DDX4: variants seen among roughly 807,000 people sequenced by gnomAD.
DDX4 encodes the protein DEAD-box helicase 4, also known as probable ATP-dependent RNA helicase DDX4.
Under a neutral mutation model 100.0 loss-of-function variants are expected in DDX4, and 25 were observed. The ratio of observed to expected loss-of-function variants is 0.25; its 90% CI spans 0.18 to 0.35. The LOEUF is 0.35. Among genes scored for constraint, DDX4 ranks in the 10% least tolerant of loss-of-function variants. The probability of loss-of-function intolerance (pLI) is 1.00; values close to 1 mark genes in which losing one functional copy is unlikely to be tolerated. For missense variants in DDX4, 635 were observed against 882.4 expected, an observed-to-expected ratio of 0.72 and a Z score of 3.55; for synonymous variants, 259 against 275.7, an observed-to-expected ratio of 0.94 and a Z score of 0.60.
At chr5:55,754,853 C>T (rs531326383) in intron 3 of DDX4, among the ~76,000 whole-genome samples, 1 of 152,094 alleles carries the variant, frequency 6.6e-6, no homozygotes, top group African/African-American at 2.4e-5. Context: ...ATTTCAGATA[C>T]TGTTATTGGT....
chr5:55,802,235 A>G (rs536827644), intron 18 of DDX4, among the ~76,000 whole-genome samples: 2 of 152,320 alleles, frequency 1.3e-5, no homozygotes, highest in African/African-American at 4.8e-5. Flanking sequence ...AAGGAGACTT[A>G]GTTAAGAAAT....
At chr5:55,772,364 T>TG (rs1344938144) in intron 7 of DDX4, among the ~76,000 whole-genome samples, 2 of 152,216 alleles carry the variant, frequency 1.3e-5, no homozygotes, top group Non-Finnish European at 2.9e-5. Flanking sequence ...GGGCTGCCTT[T>TG]GTCCTAAATT....
chr5:55,816,216 C>G (rs760577976), intron 21 of DDX4, among the ~76,000 whole-genome samples: 1 of 152,140 alleles, frequency 6.6e-6, no homozygotes, highest in Non-Finnish European at 1.5e-5. Context: ...GTTTTCCCCA[C>G]TTGTCAAAAC....
At chr5:55,757,024 T>G (rs1759981543) in intron 3 of DDX4, among the ~76,000 whole-genome samples, 1 of 152,056 alleles carries the variant, frequency 6.6e-6, no homozygotes, top group Non-Finnish European at 1.5e-5. Flanking sequence ...AGGAAATAAT[T>G]GTATATTTTC....
In DDX4 at chr5:55,800,324, G is replaced by GTTT. The variant is rs776992728; in HGVS notation, c.1615+1768_1615+1770dup. Among the ~76,000 whole-genome samples, 130 of 137,422 alleles carry GTTT rather than the reference G, an allele frequency of 9.5e-4. 1 individual carries two copies. The highest frequency in any genetic ancestry group is 3.1e-3 in the African/African-American group (114 of 36,980). The allele number at this position is 137,422 out of a possible 152,430, so 90.2% of individuals were successfully genotyped here. ...CATATTTCTAATATAGTCACCTTAA[G>GTTT]TTTTTTTTTTTTTTTTTGAGATGGA... is the stretch of plus-strand genomic sequence containing the variant. On this transcript the variant is annotated intron_variant, in intron 18 of 21. Transcript: ENST00000505374.
At chr5:55,789,597 C>T (rs1213945659) in intron 15 of DDX4, among the ~76,000 whole-genome samples, 3 of 152,208 alleles carry the variant, frequency 2.0e-5, no homozygotes, top group Non-Finnish European at 4.4e-5. Flanking sequence ...TTGTAAGAAG[C>T]AAGTCACTAA....
At chr5:55,812,209 T>C (rs1017722038) in intron 18 of DDX4, among the ~76,000 whole-genome samples, 1 of 152,228 alleles carries the variant, frequency 6.6e-6, no homozygotes, top group African/African-American at 2.4e-5. Context: ...CTTTTATTCA[T>C]CTTTATAAAC....
chr5:55,816,511 A>G lies in DDX4; in HGVS notation c.2146A>G (p.Asn716Asp). 1.9e-6 allele frequency: 3 copies of G among 1,613,184 alleles called. No homozygotes were observed. The highest frequency in any genetic ancestry group is 2.5e-6 in the Non-Finnish European group (3 of 1,179,704). ...TGGGTTTTCTTCTTCACAAGCTCCC[A>G]ATCCAGTAGATGATGAGTCATGGGA... ...TAGFSSSQAP[N>D]PVDDESWD Residue 716 changes from asparagine (N) to aspartate (D), a missense_variant, in exon 22 of 22, where the codon AAT becomes GAT. Coordinates refer to ENST00000505374, the MANE Select transcript of DDX4 (RefSeq NM_024415.3).
At chr5:55,790,830 A>G (rs1742519774) in intron 16 of DDX4, 125 bp downstream of exon 16, 2 of 773,378 alleles carry the variant, frequency 2.6e-6, no homozygotes, top group Non-Finnish European at 2.2e-6. Context: ...CCTCCATCAC[A>G]TTCTTTGAAT....
chr5:55,794,120 T>A (rs1043223901), intron 17 of DDX4, among the ~76,000 whole-genome samples: 1 of 152,124 alleles, frequency 6.6e-6, no homozygotes, highest in African/African-American at 2.4e-5. Context: ...ATTGGCAGGA[T>A]ATTTTTCTTT....
chr5:55,787,773 C>A, intron 14 of DDX4, 73 bp from the exon 15 acceptor site: 1 of 1,514,430 alleles, frequency 6.6e-7, no homozygotes, highest in Non-Finnish European at 8.9e-7. Context: ...GCTATAAGGA[C>A]ATGAGGATTA....
Position 55,815,396 on chromosome 5 carries a change from C to G in DDX4, c.2070C>G (p.Asn690Lys), listed in dbSNP as rs375133678. Residue 690 changes from asparagine to lysine, a missense_variant, in exon 21 of 22, where the codon AAC (asparagine) becomes AAG (lysine). Physicochemically the swap from Asn to Lys is moderately conservative, Grantham distance 94 (BLOSUM62 0). This residue lies in a region of DDX4 where 73 missense variants were observed against 98.5 expected (regional missense o/e 0.74). Coordinates refer to ENST00000505374, the MANE Select transcript of DDX4 (RefSeq NM_024415.3). The stretch of plus-strand genomic sequence containing the variant: ...GCTTCAGTGGTAGTACAAGAGGAAA[C>G]GTGTTTGCATCAGTTGATACCAGAA... The part of the protein sequence containing the change: ...IPGFSGSTRG[N>K]VFASVDTRKG... The G allele has an allele frequency of 5.6e-6, 9 of 1,612,976 alleles. No homozygotes were observed. In the East Asian group the frequency reaches 2.0e-4, roughly 36 times the overall value.
At chr5:55,738,854 T>A (rs183874426) in intron 1 of DDX4, 96 bp from the exon 2 acceptor site, 3 of 788,392 alleles carry the variant, frequency 3.8e-6, no homozygotes, top group East Asian at 2.5e-5. Context: ...AGTTGGGTAG[T>A]TTCAAGATGT....
At chr5:55,751,802 T>C (rs1759568607) in intron 3 of DDX4, among the ~76,000 whole-genome samples, 1 of 152,240 alleles carries the variant, frequency 6.6e-6, no homozygotes, top group South Asian at 2.1e-4. Flanking sequence ...TCTGAAGTTA[T>C]TAAATAATTT....
At chr5:55,754,919 G>T (rs944535586) in intron 3 of DDX4, among the ~76,000 whole-genome samples, 20 of 152,152 alleles carry the variant, frequency 1.3e-4, no homozygotes, top group Non-Finnish European at 2.6e-4. Flanking sequence ...TATGTGTCAA[G>T]GAATTTATCC....
intron 7 of DDX4, among the ~76,000 whole-genome samples, chr5:55,778,557 G>T (rs1741709994): frequency 6.6e-6 from 1 of 152,130 alleles, no homozygotes; most frequent in Admixed American, 6.6e-5. Context: ...AGCAGTAAAA[G>T]AAAATGAGGT....
chr5:55,767,087 C>G (rs12652234), intron 6 of DDX4: 341,341 of 1,301,416 alleles, frequency 0.26, 47,532 homozygotes, highest in Admixed American at 0.45. Flanking sequence ...ATTTCATTAG[C>G]ATGAATGGGG....
chr5:55,812,520 TGCCACTGCACTCCAGCAAGCCGAGATTGC>T (rs1224840136), intron 18 of DDX4, among the ~76,000 whole-genome samples: 4 of 128,322 alleles, frequency 3.1e-5, no homozygotes, highest in East Asian at 4.7e-4. Context: ...GCCGAGATTG[TGCCACTGCACTCCAGCAAGCCGAGATTGC>T]GCCACTGCAC....
intron 3 of DDX4, among the ~76,000 whole-genome samples, chr5:55,747,799 T>A (rs1253518925): frequency 2.0e-5 from 3 of 152,232 alleles, no homozygotes; most frequent in African/African-American, 7.2e-5. Context: ...ACTATAACTT[T>A]ACTATGAGTC....
Sources: gnomAD v4.1 joint callset for allele counts (sites outside exome capture counted in the v4.1 genomes callset) on GRCh38, gnomAD v4.1.1 for gene constraint, gnomAD v4.1.1 regional missense constraint, MANE v1.5 for transcripts, NCBI Gene and HGNC (gene_info 2026-07-23, HGNC 2026-07-21) for gene names.